The following SMG6 variants were observed in gnomAD, a reference collection of about 807,000 sequenced individuals.
SMG6 encodes SMG6 nonsense mediated mRNA decay factor.
SMG6 carries 66 observed loss-of-function variants against 142.2 expected under a neutral mutation model. The ratio of observed to expected loss-of-function variants is 0.46; its 90% CI spans 0.38 to 0.57. The LOEUF (loss-of-function observed/expected upper bound fraction) is 0.57, where lower values mean the gene tolerates loss of function less well. Among genes scored for constraint, SMG6 ranks in the 20% least tolerant of loss-of-function variants. The pLI, the probability that SMG6 is intolerant of heterozygous loss-of-function variation, is 0.00. For synonymous variants in SMG6, 779 were observed against 702.4 expected (o/e 1.11, Z -1.72); for missense variants, 1,793 against 1,832.0 (o/e 0.98, Z 0.39).
At chr17:2,247,379 C>T (rs540544218) in intron 8 of SMG6, among the ~76,000 whole-genome samples, 1 of 152,162 alleles carries the variant, frequency 6.6e-6, no homozygotes, top group South Asian at 2.1e-4. Flanking sequence ...CTTGGTTATC[C>T]CTCTTCCTAT....
rs1227594643 is a variant in SMG6, at chr17:2,297,988, C to T, written c.1915G>A (p.Val639Met). 12 of 1,613,414 alleles carry T rather than the reference C, an allele frequency of 7.4e-6. No individual in the cohort carries two copies. Among genetic ancestry groups the T allele is most frequent in the Non-Finnish European group, 9.3e-6 (11 of 1,180,018 alleles). Reference protein sequence around the residue: ...LDIEFSDNQNVDQILWKNAFY... With the variant: ...LDIEFSDNQNMDQILWKNAFY... ...GCATTCTTCCACAGGATCTGATCCACATTCTGATTATCAGAGAACTCAATA... is the reference window on the plus strand; with the variant it reads ...GCATTCTTCCACAGGATCTGATCCATATTCTGATTATCAGAGAACTCAATA... Residue 639 changes from valine to methionine, a missense_variant, in exon 3 of 19, where the codon GTG (valine) becomes ATG (methionine). Coordinates refer to ENST00000263073, the MANE Select transcript of SMG6 (RefSeq NM_017575.5).
chr17:2,061,410 G>A lies in SMG6; in HGVS notation c.*82C>T, dbSNP rs1054305735. 1.3e-5 allele frequency: 18 copies of A among 1,375,100 alleles called. No individual in the cohort carries two copies. The highest frequency in any genetic ancestry group is 1.6e-5 in the Non-Finnish European group (16 of 1,013,666). 85.2% of individuals were successfully genotyped at this position (1,375,100 alleles called of 1,614,324 possible). ...CTGGGTGGATTGGTGGCTCAGGCAC[G>A]TGGGCATCTTCCGTGCTACACTGGG... is the stretch of plus-strand genomic sequence containing the variant. On this transcript the variant is annotated 3_prime_UTR_variant, in exon 19 of 19. Coordinates refer to ENST00000263073, the MANE Select transcript of SMG6 (RefSeq NM_017575.5).
At chr17:2,225,894 G>A (rs959197361) in intron 10 of SMG6, among the ~76,000 whole-genome samples, 2 of 152,282 alleles carry the variant, frequency 1.3e-5, no homozygotes, top group African/African-American at 4.8e-5. Context: ...AAACAGAAGA[G>A]ACAGGAGAAT....
At chr17:2,101,418 T>C (rs558425658) in intron 13 of SMG6, 2 of 152,330 alleles carry the variant, frequency 1.3e-5, no homozygotes, top group South Asian at 2.1e-4. Flanking sequence ...ATATTTTTCA[T>C]GATACTTTTA....
At chr17:2,096,865 C>T (rs1288469812) in intron 13 of SMG6, among the ~76,000 whole-genome samples, 1 of 152,226 alleles carries the variant, frequency 6.6e-6, no homozygotes, top group Non-Finnish European at 1.5e-5. Context: ...CCCAAGTACA[C>T]AGGTATCCCT....
intron 8 of SMG6, among the ~76,000 whole-genome samples, chr17:2,277,306 A>C (rs1231220936): frequency 3.3e-5 from 5 of 151,598 alleles, no homozygotes; most frequent in Non-Finnish European, 7.4e-5. Context: ...AGCTGGGACT[A>C]CAGGTGCCTG....
chr17:2,259,056 C>T (rs911020650), intron 8 of SMG6, among the ~76,000 whole-genome samples: 7 of 151,656 alleles, frequency 4.6e-5, no homozygotes, highest in South Asian at 2.1e-4. Flanking sequence ...CCAGCCTGGG[C>T]GACAAAGCGA....
chr17:2,170,546 ACTTGTTAG>A (rs1567655493), intron 13 of SMG6, among the ~76,000 whole-genome samples: 1 of 152,226 alleles, frequency 6.6e-6, no homozygotes, highest in Non-Finnish European at 1.5e-5. Flanking sequence ...GTATAAAACA[ACTTGTTAG>A]CTGTCCTCAG....
intron 13 of SMG6, among the ~76,000 whole-genome samples, chr17:2,168,692 G>A (rs541404190): frequency 2.0e-4 from 30 of 152,148 alleles, no homozygotes; most frequent in South Asian, 8.3e-4. Context: ...GCCTGGGCAA[G>A]ATGGTGAGAC....
In SMG6 at chr17:2,085,363, G is replaced by C. The variant is rs571341474; in HGVS notation, c.3534+362C>G. Among the ~76,000 whole-genome samples, 1 of 152,256 alleles carries C rather than the reference G, an allele frequency of 6.6e-6. No homozygotes were observed. The highest frequency in any genetic ancestry group is 2.4e-5 in the African/African-American group (1 of 41,540). ...CTTCCTGTACGTGTGCTGGAGGCTG[G>C]AGTTCAGGCCTGTGCTGCATTGGGC... On this transcript the variant is annotated intron_variant, in intron 14 of 18. Transcript: ENST00000263073. This position sits in a 1 kb window ranked among gnomAD's most constrained non-coding sequence, Gnocchi z 4.1.
At chr17:2,062,708 C>A (rs1038994170) in intron 18 of SMG6, 1 of 152,296 alleles carries the variant, frequency 6.6e-6, no homozygotes, top group Non-Finnish European at 1.5e-5. Flanking sequence ...GACAGCAAGG[C>A]ACAGGAAGTG....
intron 10 of SMG6, among the ~76,000 whole-genome samples, chr17:2,209,858 C>T (rs921687207): frequency 6.6e-5 from 10 of 152,122 alleles, no homozygotes; most frequent in African/African-American, 2.4e-4. Context: ...ATTAAAGCTA[C>T]CATTTACTGA....
intron 10 of SMG6, chr17:2,215,764 C>T (rs901673675): frequency 1.4e-5 from 2 of 144,916 alleles, no homozygotes; most frequent in Non-Finnish European, 3.0e-5. Context: ...CCACATCCTG[C>T]TTTCAGCTGC....
At chr17:2,241,379 A>G (rs1046458619) in intron 9 of SMG6, among the ~76,000 whole-genome samples, 1 of 152,164 alleles carries the variant, frequency 6.6e-6, no homozygotes, top group Admixed American at 6.5e-5. Context: ...ACAGAAGCCA[A>G]TTTCTCTTAC....
intron 12 of SMG6, among the ~76,000 whole-genome samples, chr17:2,176,815 C>A (rs2071666174): frequency 6.6e-6 from 1 of 152,186 alleles, no homozygotes; most frequent in Admixed American, 6.5e-5. Flanking sequence ...TGACTAGTTA[C>A]AAGTATGCAC....
intron 10 of SMG6, among the ~76,000 whole-genome samples, chr17:2,228,022 G>A (rs1303591943): frequency 6.6e-6 from 1 of 152,148 alleles, no homozygotes; most frequent in African/African-American, 2.4e-5. Flanking sequence ...TGATTAGCAC[G>A]ATACCATCTC....
intron 10 of SMG6, 94 bp from the exon 11 acceptor site, chr17:2,188,609 T>A: frequency 9.5e-7 from 1 of 1,049,550 alleles, no homozygotes; most frequent in Non-Finnish European, 1.4e-6. Flanking sequence ...CACTGAAGAC[T>A]AGGGCTAGTG....
intron 13 of SMG6, among the ~76,000 whole-genome samples, chr17:2,111,872 G>A (rs1013496828): frequency 2.6e-5 from 4 of 152,102 alleles, no homozygotes; most frequent in African/African-American, 7.2e-5. Context: ...TTGCACACCC[G>A]CTCCATGCAG....
At position 2,171,158 on chromosome 17, in the gene SMG6, T is replaced by C. The variant is rs536889615; in HGVS notation, c.3357+1500A>G. Among the ~76,000 whole-genome samples the C allele has an allele frequency of 6.6e-5, 10 of 151,994 alleles. No individual in the cohort carries two copies. The East Asian group carries it at 1.5e-3, about 24-fold the overall frequency. The stretch of plus-strand genomic sequence containing the variant: ...GTATGAAGGTGGGTGCCTGTAGTCC[T>C]AGCTATGTGGGAGGGTGAGGTAGGA... On this transcript the variant is annotated intron_variant, in intron 13 of 18. Coordinates refer to ENST00000263073, the MANE Select transcript of SMG6 (RefSeq NM_017575.5).
Sources: gnomAD v4.1 joint callset for allele counts (sites outside exome capture counted in the v4.1 genomes callset) on GRCh38, gnomAD v4.1.1 for gene constraint, Gnocchi (gnomAD v3.1) non-coding constraint, MANE v1.5 for transcripts, NCBI Gene and HGNC (gene_info 2026-07-23, HGNC 2026-07-21) for gene names.